ZFHX3: variants seen among roughly 807,000 people sequenced by gnomAD.
ZFHX3 encodes the protein zinc finger homeobox protein 3.
A neutral mutation model predicts 279.1 loss-of-function variants in ZFHX3; 42 were observed. The ratio of observed to expected loss-of-function variants is 0.15; its 90% CI spans 0.12 to 0.19. ZFHX3 has a LOEUF of 0.19. Ranked by LOEUF, ZFHX3 falls within the 10% of genes least tolerant of loss-of-function variation. The pLI, the probability that ZFHX3 is intolerant of heterozygous loss-of-function variation, is 1.00. For synonymous variants in ZFHX3, 2,293 were observed against 1,957.8 expected, an observed-to-expected ratio of 1.17 and a Z score of -4.52; for missense variants, 4,981 against 4,754.0, an observed-to-expected ratio of 1.05 and a Z score of -1.40.
intron 3 of ZFHX3, among the ~76,000 whole-genome samples, chr16:73,448,684 ACGTGTG>A (rs1388194167): frequency 0.018 from 1,221 of 66,892 alleles, 13 homozygotes; most frequent in African/African-American, 0.044. Context: ...ATATTTATAT[ACGTGTG>A]TGTGTGTGTG....
chr16:73,494,519 C>T (rs2019105315), intron 2 of ZFHX3, among the ~76,000 whole-genome samples: 1 of 152,060 alleles, frequency 6.6e-6, no homozygotes, highest in Non-Finnish European at 1.5e-5. Flanking sequence ...TAATCTTGTT[C>T]TGTGTATATT....
chr16:72,855,945 C>A (rs2037743875), intron 4 of ZFHX3, among the ~76,000 whole-genome samples: 1 of 152,206 alleles, frequency 6.6e-6, no homozygotes, highest in African/African-American at 2.4e-5. Context: ...TAGTTGAAAA[C>A]AGTGGAAAAG....
chr16:73,415,804 G>T (rs951471734), intron 3 of ZFHX3, among the ~76,000 whole-genome samples: 1 of 152,134 alleles, frequency 6.6e-6, no homozygotes, highest in African/African-American at 2.4e-5. Flanking sequence ...AGCTGGAAGG[G>T]GCTTAGAGAT....
intron 5 of ZFHX3, among the ~76,000 whole-genome samples, chr16:73,152,256 T>A (rs1451832776): frequency 1.3e-5 from 2 of 152,232 alleles, no homozygotes; most frequent in Non-Finnish European, 2.9e-5. Flanking sequence ...TCATCTTCAA[T>A]ATGCAGATTC....
chr16:72,979,835 C>A (rs147355871), intron 1 of ZFHX3, among the ~76,000 whole-genome samples: 2,044 of 152,252 alleles, frequency 0.013, 19 homozygotes, highest in Non-Finnish European at 0.024. Flanking sequence ...AACCTACACA[C>A]TGAGTCAAAT....
At chr16:73,565,146 C>T (rs529118758) in intron 2 of ZFHX3, among the ~76,000 whole-genome samples, 6 of 151,766 alleles carry the variant, frequency 4.0e-5, no homozygotes, top group East Asian at 3.9e-4. Context: ...CCCAGCTATT[C>T]GGGAGGCTGA....
At chr16:73,740,131 C>A (rs2053642868) in intron 1 of ZFHX3, among the ~76,000 whole-genome samples, 1 of 152,110 alleles carries the variant, frequency 6.6e-6, no homozygotes, top group African/African-American at 2.4e-5. Flanking sequence ...TGTCAACCCC[C>A]AGGTATTATA....
At chr16:73,795,479 G>C (rs1393364948) in intron 1 of ZFHX3, among the ~76,000 whole-genome samples, 2 of 152,156 alleles carry the variant, frequency 1.3e-5, no homozygotes, top group Non-Finnish European at 2.9e-5. Context: ...TGGCTGATGA[G>C]AGATGACAAG....
intron 6 of ZFHX3, among the ~76,000 whole-genome samples, chr16:73,142,789 C>T (rs1966850963): frequency 6.6e-6 from 1 of 152,140 alleles, no homozygotes; most frequent in Non-Finnish European, 1.5e-5. Flanking sequence ...TATGCACTAC[C>T]CTGTTTGAGA....
At chr16:72,865,018 G>T (rs1233055819) in intron 4 of ZFHX3, among the ~76,000 whole-genome samples, 1 of 152,208 alleles carries the variant, frequency 6.6e-6, no homozygotes, top group Non-Finnish European at 1.5e-5. Flanking sequence ...CTCTACCAAT[G>T]AGGCTATTTT....
intron 3 of ZFHX3, among the ~76,000 whole-genome samples, chr16:72,949,589 G>T (rs1960875262): frequency 6.6e-6 from 1 of 152,114 alleles, no homozygotes; most frequent in Non-Finnish European, 1.5e-5. Context: ...AGAGGGAAGG[G>T]CTGGGGGGAA....
intron 2 of ZFHX3, among the ~76,000 whole-genome samples, chr16:73,475,146 G>A (rs1228594836): frequency 6.6e-6 from 1 of 152,118 alleles, no homozygotes. Context: ...TTCTGTTATA[G>A]GGAGGCCACT....
At chr16:73,787,297 C>T (rs1454421414) in intron 1 of ZFHX3, among the ~76,000 whole-genome samples, 1 of 152,170 alleles carries the variant, frequency 6.6e-6, no homozygotes, top group Non-Finnish European at 1.5e-5. Flanking sequence ...AGCAACCAGA[C>T]AGTGTAAACC....
At chr16:73,401,123 T>G (rs1297130798) in intron 3 of ZFHX3, 2 of 152,154 alleles carry the variant, frequency 1.3e-5, no homozygotes, top group Admixed American at 1.3e-4. Context: ...TCATCTATCT[T>G]TCCCTGGGAA....
intron 5 of ZFHX3, among the ~76,000 whole-genome samples, chr16:72,820,890 C>A (rs950163267): frequency 4.6e-5 from 7 of 152,126 alleles, no homozygotes; most frequent in African/African-American, 1.4e-4. Context: ...ATTCTAGGAT[C>A]CGGCCAAAGT....
intron 1 of ZFHX3, among the ~76,000 whole-genome samples, chr16:72,979,718 A>C (rs1304231891): frequency 1.3e-5 from 2 of 152,220 alleles, no homozygotes; most frequent in Non-Finnish European, 2.9e-5. Context: ...ACAATATACA[A>C]TACAACATCA....
intron 3 of ZFHX3, among the ~76,000 whole-genome samples, chr16:72,944,141 TG>T (rs1960549821): frequency 6.6e-6 from 1 of 152,000 alleles, no homozygotes; most frequent in Admixed American, 6.6e-5. Context: ...AAAAATTAGC[TG>T]GGTGTGGTGG....
At chr16:73,328,205 G>C (rs1462985371) in intron 3 of ZFHX3, among the ~76,000 whole-genome samples, 1 of 152,140 alleles carries the variant, frequency 6.6e-6, no homozygotes, top group African/African-American at 2.4e-5. Flanking sequence ...ATCAACTGAT[G>C]TTACCAGATC....
At chr16:73,511,414 G>A (rs574332945) in intron 2 of ZFHX3, among the ~76,000 whole-genome samples, 1 of 152,292 alleles carries the variant, frequency 6.6e-6, no homozygotes, top group African/African-American at 2.4e-5. Context: ...ATCCTGACAT[G>A]CAGTAGCATC....
Sources: allele counts gnomAD v4.1 joint callset (sites outside exome capture counted in the v4.1 genomes callset), GRCh38; gene constraint gnomAD v4.1.1; transcripts MANE v1.5; gene names NCBI Gene and HGNC (gene_info 2026-07-23, HGNC 2026-07-21).